DAB1: variants seen among roughly 807,000 people sequenced by gnomAD.
DAB1 encodes the protein DAB adaptor protein 1, also known as disabled homolog 1.
In DAB1, 15 loss-of-function variants were observed where a neutral mutation model predicts 64.6. The ratio of observed to expected loss-of-function variants is 0.23; its 90% CI spans 0.16 to 0.36. The LOEUF is 0.36. Among genes scored for constraint, DAB1 ranks in the 10% least tolerant of loss-of-function variants. The probability of loss-of-function intolerance (pLI) is 1.00; values close to 1 mark genes in which losing one functional copy is unlikely to be tolerated. For synonymous variants in DAB1, 235 were observed against 251.9 expected, an observed-to-expected ratio of 0.93 and a Z score of 0.64; for missense variants, 596 against 706.7, an observed-to-expected ratio of 0.84 and a Z score of 1.78.
chr1:58,021,557 G>A (rs1175858383), intron 5 of DAB1, among the ~76,000 whole-genome samples: 1 of 152,162 alleles, frequency 6.6e-6, no homozygotes, highest in East Asian at 1.9e-4. Flanking sequence ...AATAGATGGT[G>A]GACCAATTGC....
At chr1:58,101,463 C>T (rs1325526015) in intron 5 of DAB1, among the ~76,000 whole-genome samples, 3 of 152,014 alleles carry the variant, frequency 2.0e-5, no homozygotes, top group African/African-American at 7.2e-5. Flanking sequence ...GTGAGAGCAA[C>T]CTAGGGGTAC....
At chr1:57,568,078 A>G (rs1223437737) in intron 7 of DAB1, among the ~76,000 whole-genome samples, 1 of 152,208 alleles carries the variant, frequency 6.6e-6, no homozygotes, top group African/African-American at 2.4e-5. Flanking sequence ...CAAAACAGAG[A>G]TATAGACCAA....
chr1:57,048,141 T>C (rs554550372), intron 9 of DAB1, among the ~76,000 whole-genome samples: 1 of 152,304 alleles, frequency 6.6e-6, no homozygotes, highest in African/African-American at 2.4e-5. Flanking sequence ...GAAGTTTAAA[T>C]AACCCACCCA....
intron 5 of DAB1, among the ~76,000 whole-genome samples, chr1:58,142,918 T>C (rs987584844): frequency 1.3e-5 from 2 of 152,140 alleles, no homozygotes; most frequent in Non-Finnish European, 2.9e-5. Flanking sequence ...TGCCATAAGT[T>C]CTCTAAGGCA....
At chr1:57,889,215 C>T (rs1644270524) in intron 5 of DAB1, among the ~76,000 whole-genome samples, 1 of 152,226 alleles carries the variant, frequency 6.6e-6, no homozygotes, top group Non-Finnish European at 1.5e-5. Flanking sequence ...ACTGCAGTGT[C>T]CTTGAAACCT....
intron 5 of DAB1, among the ~76,000 whole-genome samples, chr1:58,044,095 C>T (rs1332388944): frequency 6.6e-6 from 1 of 152,162 alleles, no homozygotes; most frequent in African/African-American, 2.4e-5. Context: ...TCCCTCTGTC[C>T]TTCTTTGAAA....
intron 3 of DAB1, among the ~76,000 whole-genome samples, chr1:58,439,764 G>T (rs1192545822): frequency 2.6e-5 from 4 of 152,212 alleles, no homozygotes; most frequent in Admixed American, 6.5e-5. Context: ...CCAGAATGTG[G>T]ATTCTTAAAC....
intron 6 of DAB1, among the ~76,000 whole-genome samples, chr1:57,809,136 C>A (rs561393245): frequency 2.0e-4 from 31 of 152,224 alleles, no homozygotes; most frequent in African/African-American, 7.0e-4. Flanking sequence ...AGATACATGA[C>A]CATTTGCATA....
rs186840044 is a variant in DAB1 at position 57,734,117 on chromosome 1, A to G, written n.552-84452T>C. Reference sequence around the variant, plus strand: ...TGGACTCAGGAGGCGTGGATAAAAAAAAAAATCCAGTCTTTTATCTTGAAA... The same window carrying G: ...TGGACTCAGGAGGCGTGGATAAAAAGAAAAATCCAGTCTTTTATCTTGAAA... On this transcript the variant is annotated intron_variant and non_coding_transcript_variant, in intron 6 of 20. Transcript: ENST00000485760. Among the ~76,000 whole-genome samples, 301 of 152,284 alleles carry G rather than the reference A, an allele frequency of 2.0e-3. 2 individuals are homozygous for G. The highest frequency in any genetic ancestry group is 7.0e-3 in the African/African-American group (291 of 41,570).
At chr1:57,108,443 A>C (rs755036862) in intron 4 of DAB1, among the ~76,000 whole-genome samples, 12 of 152,142 alleles carry the variant, frequency 7.9e-5, no homozygotes, top group Non-Finnish European at 1.8e-4. Flanking sequence ...CCTGCACGTC[A>C]CTATCCTGAA....
At chr1:57,608,209 T>G (rs1246269296) in intron 7 of DAB1, among the ~76,000 whole-genome samples, 2 of 152,066 alleles carry the variant, frequency 1.3e-5, no homozygotes, top group Non-Finnish European at 2.9e-5. Flanking sequence ...AAACAGACTA[T>G]AAATATATTA....
chr1:57,449,703 T>A (rs1686280461), intron 7 of DAB1, among the ~76,000 whole-genome samples: 1 of 152,128 alleles, frequency 6.6e-6, no homozygotes, highest in South Asian at 2.1e-4. Flanking sequence ...TTTACCTAAT[T>A]TCATAAGTGA....
At chr1:57,005,867 T>C (rs945281708) in intron 14 of DAB1, among the ~76,000 whole-genome samples, 7 of 152,346 alleles carry the variant, frequency 4.6e-5, no homozygotes, top group African/African-American at 1.4e-4. Context: ...CCTGTGAGGA[T>C]TAAATTAGGT....
chr1:57,748,472 A>G (rs1012952612), intron 6 of DAB1, among the ~76,000 whole-genome samples: 1 of 152,224 alleles, frequency 6.6e-6, no homozygotes, highest in East Asian at 1.9e-4. Context: ...TGTATGTTAA[A>G]AATCTAAAAC....
chr1:57,499,281 T>C (rs1274802633), intron 7 of DAB1, among the ~76,000 whole-genome samples: 1 of 152,198 alleles, frequency 6.6e-6, no homozygotes, highest in Non-Finnish European at 1.5e-5. Flanking sequence ...GCCACGTTTA[T>C]ATGTTTAATG....
chr1:57,567,489 C>T (rs1362565397), intron 7 of DAB1, among the ~76,000 whole-genome samples: 2 of 152,288 alleles, frequency 1.3e-5, no homozygotes, highest in East Asian at 3.9e-4. Flanking sequence ...GTCAAATTGT[C>T]CCTGCTTGCA....
At chr1:57,592,094 C>T (rs1645452293) in intron 7 of DAB1, among the ~76,000 whole-genome samples, 2 of 152,130 alleles carry the variant, frequency 1.3e-5, no homozygotes, top group South Asian at 2.1e-4. Context: ...CTGGGGCTAG[C>T]AGTGGGGCCA....
chr1:57,020,309 G>A (rs1268629280), intron 11 of DAB1, among the ~76,000 whole-genome samples: 1 of 152,200 alleles, frequency 6.6e-6, no homozygotes, highest in African/African-American at 2.4e-5. Context: ...GCAAACATCT[G>A]TTGAGTGCTT....
intron 6 of DAB1, among the ~76,000 whole-genome samples, chr1:57,700,853 A>C (rs1453060082): frequency 6.6e-6 from 1 of 152,148 alleles, no homozygotes; most frequent in Non-Finnish European, 1.5e-5. Context: ...AATTTTCTAT[A>C]TCTTGTAGGT....
Sources: allele counts gnomAD v4.1 joint callset (sites outside exome capture counted in the v4.1 genomes callset), GRCh38; gene constraint gnomAD v4.1.1; transcripts MANE v1.5; gene names NCBI Gene and HGNC (gene_info 2026-07-23, HGNC 2026-07-21).